The following DACH1 variants were observed in gnomAD, a reference collection of about 807,000 sequenced individuals.
DACH1 encodes the protein dachshund family transcription factor 1.
In DACH1, 12 loss-of-function variants were observed where a neutral mutation model predicts 54.2. The ratio of observed to expected loss-of-function variants is 0.22; its 90% CI spans 0.14 to 0.36. The LOEUF (loss-of-function observed/expected upper bound fraction) is 0.36. Among genes scored for constraint, DACH1 ranks in the 10% least tolerant of loss-of-function variants. The pLI is 1.00. For synonymous variants in DACH1, 386 were observed against 366.2 expected (o/e 1.05, Z -0.62); for missense variants, 805 against 929.8 (o/e 0.87, Z 1.75).
intron 1 of DACH1, among the ~76,000 whole-genome samples, chr13:71,812,623 T>C (rs1887759283): frequency 6.6e-6 from 1 of 151,898 alleles, no homozygotes; most frequent in African/African-American, 2.4e-5. Context: ...TTCCCTAAAG[T>C]CTATTTCCAA....
At chr13:71,793,799 T>C (rs755269169) in intron 1 of DACH1, among the ~76,000 whole-genome samples, 11 of 152,186 alleles carry the variant, frequency 7.2e-5, no homozygotes, top group Non-Finnish European at 1.3e-4. Flanking sequence ...AATGTTGGGA[T>C]TACAGGCGTG....
chr13:71,857,055 G>A (rs928712459), intron 1 of DACH1, among the ~76,000 whole-genome samples: 15 of 151,782 alleles, frequency 9.9e-5, no homozygotes, highest in African/African-American at 3.1e-4. Context: ...GAGAGCAAGG[G>A]CATCAAGCAC....
chr13:71,652,485 TTTCTA>T (rs1436841992), intron 2 of DACH1, among the ~76,000 whole-genome samples: 1 of 152,114 alleles, frequency 6.6e-6, no homozygotes, highest in African/African-American at 2.4e-5. Context: ...CTCATTCCAC[TTTCTA>T]TTCTATTTAA....
chr13:71,518,012 C>T (rs774944710), intron 6 of DACH1, among the ~76,000 whole-genome samples: 2 of 151,798 alleles, frequency 1.3e-5, no homozygotes, highest in African/African-American at 4.8e-5. Context: ...AACTACTCTA[C>T]CTCTGTCATA....
chr13:71,682,545 A>AT (rs1448545044), intron 1 of DACH1, among the ~76,000 whole-genome samples: 9 of 152,078 alleles, frequency 5.9e-5, no homozygotes, highest in African/African-American at 1.2e-4. Flanking sequence ...CAATTTCTTT[A>AT]TTTTTTGTCA....
intron 6 of DACH1, among the ~76,000 whole-genome samples, chr13:71,533,995 G>C (rs549436281): frequency 1.3e-5 from 2 of 152,098 alleles, no homozygotes; most frequent in East Asian, 3.9e-4. Flanking sequence ...GGCTAAATAA[G>C]GACCAATAAC....
Position 71,618,219 on chromosome 13 carries a change from T to C in DACH1, c.1126+12337A>G, listed in dbSNP as rs572525282. ...GGAAAAAGTGAAGCCATTTCTTATA[T>C]TGAAGTGATCATTTTGAGAATTTAT... On this transcript the variant is annotated intron_variant, in intron 3 of 10. Coordinates refer to ENST00000613252, the MANE Select transcript of DACH1 (RefSeq NM_080759.6). Among the ~76,000 whole-genome samples the C allele has an allele frequency of 3.0e-4, 45 of 152,248 alleles. No homozygotes were observed. The South Asian group carries it at 6.4e-3, about 22-fold the overall frequency.
At position 71,829,002 on chromosome 13, in the gene DACH1, G is replaced by A. The variant is rs199560691; in HGVS notation, c.848+36920C>T. On this transcript the variant is annotated intron_variant, in intron 1 of 10. Transcript: ENST00000613252. ...GACCAGTAGTTTTCTTTTCAATACT[G>A]AGTAAAGTTGTCTAATCTGACATTC... is the stretch of plus-strand genomic sequence containing the variant. Among the ~76,000 whole-genome samples, 7 of 152,050 alleles carry A rather than the reference G, an allele frequency of 4.6e-5. No individual in the cohort carries two copies. In the East Asian group the frequency reaches 1.4e-3, roughly 29 times the overall value.
intron 1 of DACH1, among the ~76,000 whole-genome samples, chr13:71,815,235 T>A (rs1481667519): frequency 6.6e-6 from 1 of 150,938 alleles, no homozygotes; most frequent in East Asian, 2.0e-4. Flanking sequence ...CAAATATTCC[T>A]TGGAGCAAAC....
intron 6 of DACH1, among the ~76,000 whole-genome samples, chr13:71,554,987 T>C (rs1884145683): frequency 6.6e-6 from 1 of 152,162 alleles, no homozygotes; most frequent in Non-Finnish European, 1.5e-5. Flanking sequence ...ATTCTAGTAC[T>C]GGTCATTCCT....
intron 10 of DACH1, among the ~76,000 whole-genome samples, chr13:71,449,720 A>G (rs993790119): frequency 6.6e-6 from 1 of 152,132 alleles, no homozygotes; most frequent in African/African-American, 2.4e-5. Context: ...AAATTTTTTT[A>G]AAAAAGGCTG....
chr13:71,865,909 C>A lies in DACH1; in HGVS notation c.848+13G>T. 1.3e-6 allele frequency: 2 copies of A among 1,590,598 alleles called. No individual in the cohort carries two copies. The highest frequency in any genetic ancestry group is 1.7e-6 in the Non-Finnish European group (2 of 1,167,894). On this transcript the variant is annotated intron_variant, in intron 1 of 10. Coordinates refer to ENST00000613252, the MANE Select transcript of DACH1 (RefSeq NM_080759.6). The stretch of plus-strand genomic sequence containing the variant: ...AGGGGCGCGGGCGGCGGGGGCTATC[C>A]CCCCCGACTCACCTTGCGTTGGTGC...
In DACH1 at chr13:71,649,320, T is replaced by A. The variant is rs139119005; in HGVS notation, c.965-18603A>T. On this transcript the variant is annotated intron_variant, in intron 2 of 10. Coordinates refer to ENST00000613252, the MANE Select transcript of DACH1 (RefSeq NM_080759.6). ...CTAAAAACACATTTCTCAGAATGTA[T>A]CTTCGTCATTAAGGGAGACATGAAT... Among the ~76,000 whole-genome samples, 807 of 152,242 alleles carry A rather than the reference T, an allele frequency of 5.3e-3. 7 individuals carry two copies. Among genetic ancestry groups the A allele is most frequent in the African/African-American group, 0.018 (748 of 41,544 alleles).
Position 71,624,715 on chromosome 13 carries a change from C to T in DACH1, c.1126+5841G>A, listed in dbSNP as rs140178792. Among the ~76,000 whole-genome samples the T allele has an allele frequency of 5.3e-5, 8 of 152,034 alleles. No homozygotes were observed. The East Asian group carries it at 1.5e-3, about 29-fold the overall frequency. On this transcript the variant is annotated intron_variant, in intron 3 of 10. Coordinates refer to ENST00000613252, the MANE Select transcript of DACH1 (RefSeq NM_080759.6). ...GAACTGGAGACATTTTTAGAGCAAGCTTGCTTTGGCTTTTTCACCCTCCGA... is the reference window on the plus strand; with the variant it reads ...GAACTGGAGACATTTTTAGAGCAAGTTTGCTTTGGCTTTTTCACCCTCCGA...
intron 2 of DACH1, among the ~76,000 whole-genome samples, chr13:71,645,752 T>C (rs188152754): frequency 5.3e-4 from 81 of 152,326 alleles, no homozygotes; most frequent in African/African-American, 1.8e-3. Context: ...AATGCAGTAA[T>C]GTAGCAAATA....
At chr13:71,616,225 C>G (rs1285852207) in intron 3 of DACH1, among the ~76,000 whole-genome samples, 2 of 151,924 alleles carry the variant, frequency 1.3e-5, no homozygotes, top group Admixed American at 1.3e-4. Context: ...TTTGGGGAGA[C>G]TAGAGGTAGA....
At chr13:71,508,480 GTAGA>G (rs1880505761) in intron 6 of DACH1, among the ~76,000 whole-genome samples, 1 of 145,350 alleles carries the variant, frequency 6.9e-6, no homozygotes, top group South Asian at 2.1e-4. Context: ...TTTTTTTTTT[GTAGA>G]TAGATAGGAT....
intron 3 of DACH1, among the ~76,000 whole-genome samples, chr13:71,592,661 A>G (rs1018215606): frequency 1.3e-5 from 2 of 152,076 alleles, no homozygotes; most frequent in Non-Finnish European, 2.9e-5. Context: ...ACCGAAAAAT[A>G]GCTAATACAG....
intron 1 of DACH1, among the ~76,000 whole-genome samples, chr13:71,844,349 AT>A (rs1227551395): frequency 6.6e-6 from 1 of 152,160 alleles, no homozygotes; most frequent in Non-Finnish European, 1.5e-5. Flanking sequence ...GAATCCATGC[AT>A]TTAGTCATCC....
Sources: allele counts gnomAD v4.1 joint callset (sites outside exome capture counted in the v4.1 genomes callset), GRCh38; gene constraint gnomAD v4.1.1; transcripts MANE v1.5; gene names NCBI Gene and HGNC (gene_info 2026-07-23, HGNC 2026-07-21).